CNTN5: variants seen among roughly 807,000 people sequenced by gnomAD.
CNTN5 encodes contactin 5.
Under a neutral mutation model 129.1 loss-of-function variants are expected in CNTN5, and 77 were observed. That is an observed-to-expected ratio of 0.60 (90% CI 0.50 to 0.72). The LOEUF (loss-of-function observed/expected upper bound fraction) is 0.72. Among genes scored for constraint, CNTN5 ranks in the 30% least tolerant of loss-of-function variants. The probability of loss-of-function intolerance (pLI) is 0.00; values close to 1 mark genes in which losing one functional copy is unlikely to be tolerated. For synonymous variants in CNTN5, 509 were observed against 465.6 expected, an observed-to-expected ratio of 1.09 and a Z score of -1.20; for missense variants, 1,478 against 1,328.8, an observed-to-expected ratio of 1.11 and a Z score of -1.75.
chr11:99,024,577 T>TC (rs1394555173), intron 1 of CNTN5, among the ~76,000 whole-genome samples: 11 of 152,076 alleles, frequency 7.2e-5, no homozygotes, highest in African/African-American at 1.2e-4. Flanking sequence ...TGTCTATTAA[T>TC]CCCCATAAAT....
chr11:99,605,006 C>T (rs1450548528), intron 3 of CNTN5, among the ~76,000 whole-genome samples: 23 of 10,776 alleles, frequency 2.1e-3, no homozygotes, highest in Non-Finnish European at 4.6e-4. Context: ...AGGAAAGATC[C>T]AAAATTGACA....
At chr11:99,731,135 G>A (rs1464429200) in intron 3 of CNTN5, among the ~76,000 whole-genome samples, 1 of 151,388 alleles carries the variant, frequency 6.6e-6, no homozygotes, top group Non-Finnish European at 1.5e-5. Flanking sequence ...TTGAGACGGA[G>A]TCTTGCTCTG....
At chr11:99,718,049 A>G (rs1427513391) in intron 3 of CNTN5, among the ~76,000 whole-genome samples, 3 of 152,112 alleles carry the variant, frequency 2.0e-5, no homozygotes, top group South Asian at 2.1e-4. Context: ...TGAAATGCCA[A>G]ACTTTGCTGA....
At chr11:99,570,363 C>T (rs1186096536) in intron 3 of CNTN5, among the ~76,000 whole-genome samples, 1 of 152,136 alleles carries the variant, frequency 6.6e-6, no homozygotes, top group African/African-American at 2.4e-5. Context: ...TTCTATAAAA[C>T]CCAACATGCA....
intron 1 of CNTN5, among the ~76,000 whole-genome samples, chr11:99,063,654 C>T (rs1010486944): frequency 6.6e-6 from 1 of 152,064 alleles, no homozygotes; most frequent in African/African-American, 2.4e-5. Flanking sequence ...CAAAAGCAAA[C>T]ATGTCTCCTC....
chr11:99,513,699 AT>A (rs1259023777), intron 2 of CNTN5, among the ~76,000 whole-genome samples: 1 of 151,104 alleles, frequency 6.6e-6, no homozygotes, highest in Non-Finnish European at 1.5e-5. Context: ...TTTACCAAAT[AT>A]TTTAAACCCA....
rs1858645264 is a variant in CNTN5, at chr11:99,191,578, A to T, written c.-209-133768A>T. 3.3e-5 allele frequency among the ~76,000 whole-genome samples: 5 copies of T among 151,830 alleles called. 1 individual carries two copies. ...AATAGTATTTTAGGCCATGCAATAA[A>T]ATGTTACAATTTTATGAAGATTGAA... On this transcript the variant is annotated intron_variant, in intron 1 of 24. Transcript: ENST00000524871.
intron 3 of CNTN5, among the ~76,000 whole-genome samples, chr11:99,766,583 A>C (rs1944763329): frequency 6.6e-6 from 1 of 152,202 alleles, no homozygotes; most frequent in South Asian, 2.1e-4. Flanking sequence ...AGGTTGAGTT[A>C]CTTCAAGAGT....
intron 3 of CNTN5, among the ~76,000 whole-genome samples, chr11:99,588,035 G>A (rs1456851348): frequency 1.3e-5 from 2 of 152,158 alleles, no homozygotes; most frequent in African/African-American, 4.8e-5. Flanking sequence ...TCCACTGTGA[G>A]CCCAAAATCC....
intron 3 of CNTN5, among the ~76,000 whole-genome samples, chr11:99,672,173 C>A (rs1342933184): frequency 6.6e-6 from 1 of 152,144 alleles, no homozygotes; most frequent in African/African-American, 2.4e-5. Flanking sequence ...CCCTACTCTG[C>A]CCCATCAAAA....
At chr11:99,419,255 C>T (rs1406930157) in intron 2 of CNTN5, among the ~76,000 whole-genome samples, 1 of 152,040 alleles carries the variant, frequency 6.6e-6, no homozygotes, top group Non-Finnish European at 1.5e-5. Context: ...TGAATTGCAC[C>T]CTCTGGAGAT....
intron 2 of CNTN5, among the ~76,000 whole-genome samples, chr11:99,333,922 T>A (rs982233549): frequency 6.6e-6 from 1 of 151,846 alleles, no homozygotes; most frequent in Non-Finnish European, 1.5e-5. Context: ...CTCAAAGCTA[T>A]GGGTAAAAAT....
Position 99,318,941 on chromosome 11 carries a change from G to A in CNTN5, c.-209-6405G>A, listed in dbSNP as rs1197645478. Among the ~76,000 whole-genome samples the A allele has an allele frequency of 2.6e-5, 4 of 152,196 alleles. No homozygotes were observed. The East Asian group carries it at 7.7e-4, about 29-fold the overall frequency. On this transcript the variant is annotated intron_variant, in intron 1 of 24. Coordinates refer to ENST00000524871, the MANE Select transcript of CNTN5 (RefSeq NM_014361.4). Reference sequence around the variant, plus strand: ...GTTTGGTATTAATTGAAAATCTGCAGTCTTATACACATTAGATCAACTAAG... The same window carrying A: ...GTTTGGTATTAATTGAAAATCTGCAATCTTATACACATTAGATCAACTAAG...
intron 2 of CNTN5, among the ~76,000 whole-genome samples, chr11:99,480,872 C>A (rs894974990): frequency 6.6e-6 from 1 of 152,094 alleles, no homozygotes; most frequent in African/African-American, 2.4e-5. Flanking sequence ...CTACTAAGTT[C>A]TAAAAGAATG....
chr11:99,622,048 A>C (rs927105492), intron 3 of CNTN5, among the ~76,000 whole-genome samples: 1 of 152,182 alleles, frequency 6.6e-6, no homozygotes, highest in Non-Finnish European at 1.5e-5. Context: ...TTAATATCTA[A>C]TTGAGTATAA....
chr11:99,285,403 C>T (rs1863888762), intron 1 of CNTN5, among the ~76,000 whole-genome samples: 1 of 151,998 alleles, frequency 6.6e-6, no homozygotes, highest in South Asian at 2.1e-4. Flanking sequence ...TATCTGGATA[C>T]AGCAGGAATC....
At chr11:100,287,680 T>C (rs1950829741) in intron 18 of CNTN5, among the ~76,000 whole-genome samples, 1 of 151,982 alleles carries the variant, frequency 6.6e-6, no homozygotes, top group Non-Finnish European at 1.5e-5. Flanking sequence ...CCTTCGAGAC[T>C]AGGAAGAAAC....
chr11:99,941,630 A>G (rs772938620), intron 7 of CNTN5, among the ~76,000 whole-genome samples: 1 of 152,066 alleles, frequency 6.6e-6, no homozygotes, highest in Admixed American at 6.6e-5. Context: ...TTGATTATTG[A>G]TAGTTCTAGT....
At chr11:99,032,680 T>C (rs1863459069) in intron 1 of CNTN5, among the ~76,000 whole-genome samples, 1 of 151,276 alleles carries the variant, frequency 6.6e-6, no homozygotes. Flanking sequence ...CTTTGTCAGA[T>C]GAGTAGGTTG....
Sources: gnomAD v4.1 joint callset for allele counts (sites outside exome capture counted in the v4.1 genomes callset) on GRCh38, gnomAD v4.1.1 for gene constraint, MANE v1.5 for transcripts, NCBI Gene and HGNC (gene_info 2026-07-23, HGNC 2026-07-21) for gene names.